ECHDC2: variants seen among roughly 807,000 people sequenced by gnomAD.
The protein encoded by ECHDC2 is enoyl-CoA hydratase domain-containing protein 2, mitochondrial.
ECHDC2 carries 34 observed loss-of-function variants against 40.6 expected under a neutral mutation model. That is an observed-to-expected ratio of 0.84 (90% CI 0.64 to 1.11). The LOEUF (loss-of-function observed/expected upper bound fraction) is 1.11, where lower values mean the gene tolerates loss of function less well. ECHDC2 is among the 50% of genes most tolerant of loss of function. ECHDC2 has a pLI of 0.00. For synonymous variants in ECHDC2, 162 were observed against 166.6 expected, an observed-to-expected ratio of 0.97 and a Z score of 0.21; for missense variants, 392 against 400.7, an observed-to-expected ratio of 0.98 and a Z score of 0.19.
chr1:52,911,605 G>C lies in ECHDC2; in HGVS notation c.238C>G (p.Leu80Val). The part of the protein sequence containing the change: ...QLREDRQVRV[L>V]LFRSGVKGVF... Reference sequence around the variant, plus strand: ...CCCTTCACTCCACTTCTGAAGAGCAGGACACGCACTTGCCGGTCCTCCCGC... The same window carrying C: ...CCCTTCACTCCACTTCTGAAGAGCACGACACGCACTTGCCGGTCCTCCCGC... Residue 80 changes from leucine (L) to valine (V), a missense_variant, in exon 3 of 10, where the codon CTG becomes GTG. Transcript: ENST00000371522. 6.2e-7 allele frequency: 1 copy of C among 1,614,160 alleles called. No homozygotes were observed. Among genetic ancestry groups the C allele is most frequent in the East Asian group, 2.2e-5 (1 of 44,880 alleles).
chr1:52,904,497 T>C, intron 7 of ECHDC2, 149 bp downstream of exon 7: 1 of 698,814 alleles, frequency 1.4e-6, no homozygotes, highest in Non-Finnish European at 2.2e-6. Context: ...TTTGACTTGA[T>C]TGTGTTTACT....
chr1:52,900,918 G>A (rs1316122513), intron 7 of ECHDC2: 1 of 152,250 alleles, frequency 6.6e-6, no homozygotes, highest in African/African-American at 2.4e-5. Flanking sequence ...ACAGGGCTTT[G>A]AGAGGCTGAG....
At chr1:52,916,764 C>T (rs920501737) in intron 1 of ECHDC2, among the ~76,000 whole-genome samples, 6 of 152,234 alleles carry the variant, frequency 3.9e-5, no homozygotes, top group East Asian at 3.9e-4. Context: ...AGTCTAGCCC[C>T]GATGCTGGGA....
In ECHDC2 at chr1:52,914,065, ACTCAAGGCCTGTC is replaced by A. The variant is rs1477119644; in HGVS notation, c.122-2288_122-2276del. On this transcript the variant is annotated intron_variant, in intron 1 of 9. Transcript: ENST00000371522. This position sits in a 1 kb window ranked among gnomAD's most constrained non-coding sequence, Gnocchi z 4.0. ...ACCGTGATTCCAGAGACCAGGACAGACTCAAGGCCTGTCCTCATGGAACCTACAGCCTAGTGGG... is the reference window on the plus strand; with the variant it reads ...ACCGTGATTCCAGAGACCAGGACAGACTCATGGAACCTACAGCCTAGTGGG... 1.2e-6 allele frequency: 1 copy of A among 855,864 alleles called. No homozygotes were observed. The highest frequency in any genetic ancestry group is 1.7e-5 in the African/African-American group (1 of 57,410). The allele number at this position is 855,864 out of a possible 1,614,324, so 53.0% of individuals were successfully genotyped here. A position where few individuals can be genotyped will look rare whatever the true frequency, so the allele number is the denominator to read the frequency against.
chr1:52,911,878 G>A (rs1337061459), intron 1 of ECHDC2, 88 bp from the exon 2 acceptor site: 1 of 1,558,616 alleles, frequency 6.4e-7, no homozygotes. Context: ...GGAGGCCTGG[G>A]ATCTGGGGAG....
At chr1:52,916,585 G>A (rs1052630379) in intron 1 of ECHDC2, among the ~76,000 whole-genome samples, 1 of 152,188 alleles carries the variant, frequency 6.6e-6, no homozygotes, top group African/African-American at 2.4e-5. Flanking sequence ...CAGATACTAG[G>A]GCAAGTCTCG....
rs545708852 is a variant in ECHDC2 at position 52,914,629 on chromosome 1, A to G, written c.122-2839T>C. On this transcript the variant is annotated intron_variant, in intron 1 of 9. Transcript: ENST00000371522. The surrounding 1 kb of genome is among the most constrained non-coding windows in gnomAD (Gnocchi z 4.0). Reference sequence around the variant, plus strand: ...TCTCCTGTGCACCCCAGGCCTGAATAGCCAAATGCCTACTTGATATCTCAA... The same window carrying G: ...TCTCCTGTGCACCCCAGGCCTGAATGGCCAAATGCCTACTTGATATCTCAA... 1.3e-5 allele frequency among the ~76,000 whole-genome samples: 2 copies of G among 152,244 alleles called. No homozygotes were observed. The highest frequency in any genetic ancestry group is 4.1e-4 in the South Asian group (2 of 4,822).
chr1:52,905,105 CA>C lies in ECHDC2; in HGVS notation c.458-16del. 2 of 1,613,864 alleles carry C rather than the reference CA, an allele frequency of 1.2e-6. No homozygotes were observed. Among genetic ancestry groups the C allele is most frequent in the East Asian group, 4.5e-5 (2 of 44,884 alleles). On this transcript the variant is annotated splice_polypyrimidine_tract_variant and intron_variant, in intron 5 of 9. Transcript: ENST00000371522. ...TGCCGAGGAAGCTGCTCAGATAGAACAAAGTGAGGCCTCCCTCCCCCATCCG... is the reference window on the plus strand; with the variant it reads ...TGCCGAGGAAGCTGCTCAGATAGAACAAGTGAGGCCTCCCTCCCCCATCCG...
intron 1 of ECHDC2, chr1:52,920,508 G>A (rs1285414343): frequency 2.0e-6 from 3 of 1,522,586 alleles, no homozygotes; most frequent in Admixed American, 1.8e-5. Context: ...ACAAAAAGAG[G>A]AGCAGAAGAA....
chr1:52,920,865 G>A (rs1651721948), intron 1 of ECHDC2, among the ~76,000 whole-genome samples: 1 of 152,240 alleles, frequency 6.6e-6, no homozygotes, highest in South Asian at 2.1e-4. Context: ...GCCTAGCCCT[G>A]ATGGTTACCA....
At chr1:52,913,292 C>G (rs1174852555) in intron 1 of ECHDC2, 1 of 152,216 alleles carries the variant, frequency 6.6e-6, no homozygotes, top group Non-Finnish European at 1.5e-5. Flanking sequence ...GACAGTAATC[C>G]TGGCCCTACT....
At chr1:52,915,383 G>A (rs980838908) in intron 1 of ECHDC2, 1 of 455,366 alleles carries the variant, frequency 2.2e-6, no homozygotes, top group Non-Finnish European at 4.4e-6. Context: ...GGGCTCTCAA[G>A]GGACAGGGTG....
chr1:52,901,220 G>A (rs1280021831), intron 7 of ECHDC2: 1 of 149,648 alleles, frequency 6.7e-6, no homozygotes, highest in Non-Finnish European at 1.5e-5. Flanking sequence ...AGTTAAAAAC[G>A]GTATGTACGT....
chr1:52,914,109 C>T lies in ECHDC2; in HGVS notation c.122-2319G>A, dbSNP rs1460272361. 1 of 526,380 alleles carries T rather than the reference C, an allele frequency of 1.9e-6. No individual in the cohort carries two copies. Among genetic ancestry groups the T allele is most frequent in the Non-Finnish European group, 3.4e-6 (1 of 291,532 alleles). 32.6% of individuals were successfully genotyped at this position (526,380 alleles called of 1,614,324 possible). A position where few individuals can be genotyped will look rare whatever the true frequency, so the allele number is the denominator to read the frequency against. ...GGAACCTACAGCCTAGTGGGGAAGA[C>T]AGACATTAAATAATTACTATTTGTG... is the stretch of plus-strand genomic sequence containing the variant. On this transcript the variant is annotated intron_variant, in intron 1 of 9. Coordinates refer to ENST00000371522, the MANE Select transcript of ECHDC2 (RefSeq NM_001198961.2). The surrounding 1 kb of genome is among the most constrained non-coding windows in gnomAD (Gnocchi z 4.0).
chr1:52,914,328 G>A lies in ECHDC2; in HGVS notation c.122-2538C>T, dbSNP rs778431354. 3.3e-5 allele frequency among the ~76,000 whole-genome samples: 5 copies of A among 152,174 alleles called. No homozygotes were observed. Among genetic ancestry groups the A allele is most frequent in the Non-Finnish European group, 7.4e-5 (5 of 68,016 alleles). The stretch of plus-strand genomic sequence containing the variant: ...TGCATGTAAGTGTGCATGCATGGGT[G>A]CATATGTGAGCGTGTGCATGAGTGC... On this transcript the variant is annotated intron_variant, in intron 1 of 9. Transcript: ENST00000371522. This position sits in a 1 kb window ranked among gnomAD's most constrained non-coding sequence, Gnocchi z 4.0.
chr1:52,921,433 T>C, intron 1 of ECHDC2, 120 bp downstream of exon 1: 1 of 1,437,882 alleles, frequency 7.0e-7, no homozygotes, highest in Non-Finnish European at 9.1e-7. Flanking sequence ...CGCCTAGAAC[T>C]GGGAGGGAGG....
chr1:52,899,555 T>C, intron 7 of ECHDC2: 2 of 305,436 alleles, frequency 6.5e-6, no homozygotes, highest in Non-Finnish European at 6.1e-6. Context: ...GCTGGTGTCA[T>C]CACTGATGAC....
rs137979005 is a variant in ECHDC2, at chr1:52,910,748, A to C, written c.277+818T>G. Among the ~76,000 whole-genome samples the C allele has an allele frequency of 5.2e-3, 786 of 152,344 alleles. 6 individuals are homozygous for C. The highest frequency in any genetic ancestry group is 0.018 in the African/African-American group (758 of 41,578). ...CAGGCAGAGTCAGCAAGGTCCAAGA[A>C]GGCTGAGAGGTCAAAGGTCAAGTAA... On this transcript the variant is annotated intron_variant, in intron 3 of 9. Coordinates refer to ENST00000371522, the MANE Select transcript of ECHDC2 (RefSeq NM_001198961.2).
At chr1:52,908,102 GA>G in intron 3 of ECHDC2, 148 bp from the exon 4 acceptor site, 1 of 661,484 alleles carries the variant, frequency 1.5e-6, no homozygotes, top group Non-Finnish European at 2.7e-6. Context: ...GAAGTCAAGG[GA>G]AAAGAGGAGC....
Sources: gnomAD v4.1 joint callset for allele counts (sites outside exome capture counted in the v4.1 genomes callset) on GRCh38, gnomAD v4.1.1 for gene constraint, Gnocchi (gnomAD v3.1) non-coding constraint, MANE v1.5 for transcripts, NCBI Gene and HGNC (gene_info 2026-07-23, HGNC 2026-07-21) for gene names.